TNFSF4: variants seen among roughly 807,000 people sequenced by gnomAD.
TNFSF4 encodes the protein TNF superfamily member 4, also known as tumor necrosis factor ligand superfamily member 4.
In TNFSF4, 4 loss-of-function variants were observed where a neutral mutation model predicts 7.3. That is an observed-to-expected ratio of 0.55 (90% CI 0.27 to 1.25). The LOEUF (loss-of-function observed/expected upper bound fraction) is 1.25, where lower values mean the gene tolerates loss of function less well. Among genes scored for constraint, TNFSF4 ranks in the 50% most tolerant of loss-of-function variants. The pLI, the probability that TNFSF4 is intolerant of heterozygous loss-of-function variation, is 0.12. For missense variants in TNFSF4, 181 were observed against 208.8 expected (o/e 0.87, Z 0.82); for synonymous variants, 76 against 83.7 (o/e 0.91, Z 0.50).
the TNFSF4 span, among the ~76,000 whole-genome samples, chr1:173,174,128 A>G: frequency 6.6e-6 from 1 of 152,208 alleles, no homozygotes; most frequent in East Asian, 1.9e-4. Flanking sequence ...TCTCTAGAGC[A>G]AGGCCAAAAT....
chr1:173,263,393 A>G, the TNFSF4 span, among the ~76,000 whole-genome samples: 8 of 152,154 alleles, frequency 5.3e-5, no homozygotes, highest in African/African-American at 1.9e-4. Context: ...CAATTTACTC[A>G]ATTTCTTTGG....
the TNFSF4 span, among the ~76,000 whole-genome samples, chr1:173,270,207 T>C: frequency 1.3e-5 from 2 of 152,088 alleles, no homozygotes; most frequent in African/African-American, 4.8e-5. Flanking sequence ...GAAGTTCAAT[T>C]TGGAACTTAT....
chr1:173,289,544 A>C, the TNFSF4 span, among the ~76,000 whole-genome samples: 3 of 152,200 alleles, frequency 2.0e-5, no homozygotes, highest in Admixed American at 2.0e-4. Context: ...ATTACTAGAC[A>C]TGCAAATATG....
intron 1 of TNFSF4, among the ~76,000 whole-genome samples, chr1:173,194,206 G>A (rs1649599839): frequency 1.3e-5 from 2 of 152,220 alleles, no homozygotes; most frequent in African/African-American, 4.8e-5. Flanking sequence ...TTATTCAGTA[G>A]TTGAATGAAT....
chr1:173,341,712 G>C, the TNFSF4 span, among the ~76,000 whole-genome samples: 25 of 152,278 alleles, frequency 1.6e-4, no homozygotes, highest in Admixed American at 1.4e-3. Context: ...TATGCAATAA[G>C]CTTTAGACAA....
chr1:173,256,829 A>G, the TNFSF4 span, among the ~76,000 whole-genome samples: 1 of 152,214 alleles, frequency 6.6e-6, no homozygotes, highest in Non-Finnish European at 1.5e-5. Context: ...TTAACCTCTT[A>G]CTTAACCTCT....
At chr1:173,413,317 T>C in the TNFSF4 span, among the ~76,000 whole-genome samples, 1 of 152,220 alleles carries the variant, frequency 6.6e-6, no homozygotes, top group African/African-American at 2.4e-5. Flanking sequence ...CTGCACTTCC[T>C]ATGTGGGGGT....
At chr1:173,265,884 C>T in the TNFSF4 span, among the ~76,000 whole-genome samples, 2 of 152,110 alleles carry the variant, frequency 1.3e-5, no homozygotes, top group South Asian at 4.1e-4. Flanking sequence ...ATATTGTATC[C>T]TCCCTATTGC....
At chr1:173,351,313 G>C in the TNFSF4 span, among the ~76,000 whole-genome samples, 2 of 152,230 alleles carry the variant, frequency 1.3e-5, no homozygotes, top group East Asian at 3.9e-4. Context: ...CTCAACCTAA[G>C]CATCCCTATC....
At chr1:173,204,203 C>T (rs1332358791) in intron 1 of TNFSF4, among the ~76,000 whole-genome samples, 2 of 152,112 alleles carry the variant, frequency 1.3e-5, no homozygotes, top group African/African-American at 4.8e-5. Context: ...TTCTCAAATC[C>T]TTATATCCAT....
the TNFSF4 span, among the ~76,000 whole-genome samples, chr1:173,332,645 G>C: frequency 6.6e-6 from 1 of 152,124 alleles, no homozygotes; most frequent in South Asian, 2.1e-4. Flanking sequence ...CACGAGGTCA[G>C]GAGTTCAAGA....
the TNFSF4 span, among the ~76,000 whole-genome samples, chr1:173,354,825 T>C: frequency 6.6e-6 from 1 of 152,268 alleles, no homozygotes; most frequent in South Asian, 2.1e-4. Flanking sequence ...CTATCTTTTA[T>C]TCTGAGAACA....
At chr1:173,287,749 C>T in the TNFSF4 span, among the ~76,000 whole-genome samples, 2 of 152,064 alleles carry the variant, frequency 1.3e-5, no homozygotes, top group African/African-American at 4.8e-5. Flanking sequence ...TCTACTGATA[C>T]AGAAAACAAC....
chr1:173,353,350 T>C, the TNFSF4 span, among the ~76,000 whole-genome samples: 1 of 152,212 alleles, frequency 6.6e-6, no homozygotes, highest in Admixed American at 6.5e-5. Flanking sequence ...CTAACAAATG[T>C]CCATGAAGTC....
At chr1:173,364,856 A>G in the TNFSF4 span, among the ~76,000 whole-genome samples, 1 of 152,242 alleles carries the variant, frequency 6.6e-6, no homozygotes, top group African/African-American at 2.4e-5. Context: ...TTAATTACAC[A>G]ATTTTAAGAA....
the TNFSF4 span, among the ~76,000 whole-genome samples, chr1:173,358,898 G>C: frequency 6.6e-6 from 1 of 152,212 alleles, no homozygotes; most frequent in Non-Finnish European, 1.5e-5. Context: ...TCTTACTTTT[G>C]ATGGATAGTA....
the TNFSF4 span, among the ~76,000 whole-genome samples, chr1:173,368,739 T>C: frequency 2.0e-5 from 3 of 152,096 alleles, no homozygotes. Flanking sequence ...TGAGCAGAAC[T>C]CTCAAAGTTA....
chr1:173,193,908 G>T (rs1253235442), intron 1 of TNFSF4, among the ~76,000 whole-genome samples: 2 of 152,208 alleles, frequency 1.3e-5, no homozygotes, highest in African/African-American at 4.8e-5. Context: ...CAGCCCAGTG[G>T]TTCTTAAACT....
At chr1:173,306,597 A>T in the TNFSF4 span, among the ~76,000 whole-genome samples, 14 of 151,912 alleles carry the variant, frequency 9.2e-5, no homozygotes, top group Admixed American at 8.5e-4. Context: ...CACTAGGAAC[A>T]CTTCCTACAC....
Sources: gnomAD v4.1 joint callset for allele counts (sites outside exome capture counted in the v4.1 genomes callset) on GRCh38, gnomAD v4.1.1 for gene constraint, MANE v1.5 for transcripts, NCBI Gene and HGNC (gene_info 2026-07-23, HGNC 2026-07-21) for gene names.